The following CPLX2 variants were observed in gnomAD, a reference collection of about 807,000 sequenced individuals.
CPLX2 encodes the protein complexin-2.
A neutral mutation model predicts 16.3 loss-of-function variants in CPLX2; 5 were observed. The ratio of observed to expected loss-of-function variants is 0.31; its 90% CI spans 0.16 to 0.64. The LOEUF (loss-of-function observed/expected upper bound fraction) is 0.64, where lower values mean the gene tolerates loss of function less well. Ranked by LOEUF, CPLX2 falls within the 30% of genes least tolerant of loss-of-function variation. The probability of loss-of-function intolerance (pLI) is 0.79; values close to 1 mark genes in which losing one functional copy is unlikely to be tolerated. For synonymous variants in CPLX2, 89 were observed against 73.2 expected (o/e 1.22, Z -1.10); for missense variants, 144 against 181.4 (o/e 0.79, Z 1.18).
At chr5:175,811,353 G>A (rs2113633672) in intron 2 of CPLX2, among the ~76,000 whole-genome samples, 1 of 152,326 alleles carries the variant, frequency 6.6e-6, no homozygotes, top group South Asian at 2.1e-4. Context: ...AGCCCCTGGT[G>A]CAAGGGGTTC....
At chr5:175,862,022 A>G (rs1426555766) in intron 2 of CPLX2, among the ~76,000 whole-genome samples, 1 of 152,168 alleles carries the variant, frequency 6.6e-6, no homozygotes, top group Non-Finnish European at 1.5e-5. Flanking sequence ...TGAAGCCAGC[A>G]TGCCCCTGTC....
At chr5:175,853,488 G>A (rs1246355952) in intron 2 of CPLX2, among the ~76,000 whole-genome samples, 1 of 152,140 alleles carries the variant, frequency 6.6e-6, no homozygotes, top group Admixed American at 6.5e-5. Flanking sequence ...GAAAGAGCTG[G>A]GTACCAGGTC....
At chr5:175,816,220 T>G (rs1276655421) in intron 2 of CPLX2, among the ~76,000 whole-genome samples, 2 of 151,432 alleles carry the variant, frequency 1.3e-5, no homozygotes, top group Non-Finnish European at 2.9e-5. Flanking sequence ...CAGGCTGGAG[T>G]GCAGTGGTGC....
chr5:175,843,795 G>A (rs1758991777), intron 2 of CPLX2, among the ~76,000 whole-genome samples: 1 of 152,258 alleles, frequency 6.6e-6, no homozygotes, highest in South Asian at 2.1e-4. Flanking sequence ...TCCTCCAACT[G>A]AGGGGAAAGC....
intron 1 of CPLX2, among the ~76,000 whole-genome samples, chr5:175,808,749 G>A (rs533004895): frequency 2.6e-5 from 4 of 152,304 alleles, no homozygotes; most frequent in East Asian, 1.9e-4. Flanking sequence ...AGTGCTACCC[G>A]CACCAGTGAA....
chr5:175,821,903 A>G (rs1364105775), intron 2 of CPLX2, among the ~76,000 whole-genome samples: 2 of 152,184 alleles, frequency 1.3e-5, no homozygotes, highest in African/African-American at 4.8e-5. Context: ...GAAAGTGGCC[A>G]GTGTGATAAA....
At chr5:175,808,292 A>G (rs1482984098) in intron 1 of CPLX2, among the ~76,000 whole-genome samples, 1 of 152,172 alleles carries the variant, frequency 6.6e-6, no homozygotes, top group African/African-American at 2.4e-5. Flanking sequence ...TACCAAATCT[A>G]GCAAACTTGT....
Position 175,878,707 on chromosome 5 carries a change from G to C in CPLX2, c.-33G>C. On this transcript the variant is annotated 5_prime_UTR_variant, in exon 2 of 4. Coordinates refer to ENST00000393745, the MANE Select transcript of CPLX2 (RefSeq NM_001008220.2). ...AGGAGCGCTGCATGCAAATTCTGCC[G>C]TGGGCTAAGGCACGCTAACCAGAGC... The C allele has an allele frequency of 6.2e-7, 1 of 1,611,220 alleles. No homozygotes were observed.
At chr5:175,813,984 A>C (rs1398683772) in intron 2 of CPLX2, among the ~76,000 whole-genome samples, 1 of 152,242 alleles carries the variant, frequency 6.6e-6, no homozygotes, top group Admixed American at 6.5e-5. Context: ...GTTTATGAGA[A>C]GGATCTTATG....
rs1049738737 is a variant in CPLX2, at chr5:175,872,389, G to A, written c.-89+684G>A. ...CCCCTTCTGTGCTCTCGTTCTCGTC[G>A]GCCTCAATCTGCCCCCTTCCCCAGC... On this transcript the variant is annotated intron_variant, in intron 1 of 3. Transcript: ENST00000393745. The surrounding 1 kb of genome is among the most constrained non-coding windows in gnomAD (Gnocchi z 5.0). Among the ~76,000 whole-genome samples the A allele has an allele frequency of 1.3e-5, 2 of 152,150 alleles. No individual in the cohort carries two copies. The highest frequency in any genetic ancestry group is 4.8e-5 in the African/African-American group (2 of 41,444).
intron 1 of CPLX2, among the ~76,000 whole-genome samples, chr5:175,808,393 C>G (rs1304481477): frequency 1.3e-5 from 2 of 152,006 alleles, no homozygotes; most frequent in African/African-American, 4.8e-5. Flanking sequence ...AACGGCCAAC[C>G]TTTGCCTTTT....
At position 175,843,842 on chromosome 5, in the gene CPLX2, C is replaced by T. The variant is rs565137696; in HGVS notation, c.-89+34774C>T. Among the ~76,000 whole-genome samples, 7 of 152,338 alleles carry T rather than the reference C, an allele frequency of 4.6e-5. No homozygotes were observed. The South Asian group carries it at 1.0e-3, about 23-fold the overall frequency. On this transcript the variant is annotated intron_variant, in intron 2 of 4. Transcript: ENST00000359546. ...AGGTCGTTGTTACCTGCTATAGCCC[C>T]GGGCCAGGTGGCTGGGCAAGCCAGC...
chr5:175,808,692 G>A lies in CPLX2; in HGVS notation c.-168-297G>A, dbSNP rs1390549633. 2.6e-5 allele frequency among the ~76,000 whole-genome samples: 4 copies of A among 152,198 alleles called. No homozygotes were observed. In the East Asian group the frequency reaches 7.7e-4, roughly 29 times the overall value. ...CCAATCAGAAATCACATTTAAGTAA[G>A]AAAAGTATGGTCAATTGTACTACCA... On this transcript the variant is annotated intron_variant, in intron 1 of 4. Coordinates refer to the CPLX2 transcript ENST00000359546.
At chr5:175,810,613 G>A (rs1024193911) in intron 2 of CPLX2, among the ~76,000 whole-genome samples, 64 of 152,074 alleles carry the variant, frequency 4.2e-4, no homozygotes, top group African/African-American at 1.4e-3. Flanking sequence ...CAATTCCTGG[G>A]GAACCCATTT....
At position 175,883,165 on chromosome 5, in the gene CPLX2, G is replaced by C. The variant is rs534810894; in HGVS notation, c.*3120G>C. The stretch of plus-strand genomic sequence containing the variant: ...GGAGCGTGCACCAGGTGAGGTGAGC[G>C]TGTGTGCTCTCAGGGAAGGGCCCAG... On this transcript the variant is annotated 3_prime_UTR_variant, in exon 4 of 4. Transcript: ENST00000393745. 4 of 152,468 alleles carry C rather than the reference G, an allele frequency of 2.6e-5. No homozygotes were observed. The highest frequency in any genetic ancestry group is 2.6e-4 in the Admixed American group (4 of 15,312). 9.4% of individuals were successfully genotyped at this position (152,468 alleles called of 1,614,324 possible). A position where few individuals can be genotyped will look rare whatever the true frequency, so the allele number is the denominator to read the frequency against.
intron 2 of CPLX2, among the ~76,000 whole-genome samples, chr5:175,864,168 T>C (rs1759424212): frequency 9.2e-6 from 1 of 108,802 alleles, no homozygotes; most frequent in African/African-American, 2.5e-5. Flanking sequence ...CCCTGGAAGG[T>C]AGAGATCACT....
intron 1 of CPLX2, among the ~76,000 whole-genome samples, chr5:175,877,213 G>T (rs1339307137): frequency 1.4e-5 from 2 of 143,048 alleles, no homozygotes; most frequent in Non-Finnish European, 3.0e-5. Context: ...GGGCTGTTTT[G>T]TGTTTTGCTT....
At chr5:175,850,814 GCTCA>G (rs1244403521) in intron 2 of CPLX2, among the ~76,000 whole-genome samples, 1 of 152,126 alleles carries the variant, frequency 6.6e-6, no homozygotes, top group East Asian at 1.9e-4. Context: ...TCAGAGCTGG[GCTCA>G]CTGAGTCGGA....
At chr5:175,812,125 G>A (rs568401138) in intron 2 of CPLX2, among the ~76,000 whole-genome samples, 34 of 152,062 alleles carry the variant, frequency 2.2e-4, no homozygotes, top group Non-Finnish European at 2.8e-4. Context: ...TCTAACTCTA[G>A]ACTTATGTCA....
Sources: gnomAD v4.1 joint callset for allele counts (sites outside exome capture counted in the v4.1 genomes callset) on GRCh38, gnomAD v4.1.1 for gene constraint, Gnocchi (gnomAD v3.1) non-coding constraint, MANE v1.5 for transcripts, NCBI Gene and HGNC (gene_info 2026-07-23, HGNC 2026-07-21) for gene names.